The following ACOT7 variants were observed in gnomAD, a reference collection of about 807,000 sequenced individuals.
The protein encoded by ACOT7 is acyl-CoA thioesterase 7.
In ACOT7, 12 loss-of-function variants were observed where a neutral mutation model predicts 40.2. The ratio of observed to expected loss-of-function variants is 0.30; its 90% CI spans 0.19 to 0.48. ACOT7 has a LOEUF of 0.48. Among genes scored for constraint, ACOT7 ranks in the 20% least tolerant of loss-of-function variants. The pLI is 0.99. For missense variants in ACOT7, 395 were observed against 530.8 expected (o/e 0.74, Z 2.51); for synonymous variants, 228 against 219.5 (o/e 1.04, Z -0.34).
rs1641203162 is a variant in ACOT7 at position 6,339,539 on chromosome 1, A to G, written c.312T>C (p.Ser104=). The change falls in exon 3 of 9, where the codon TCT becomes TCC. Residue 104 remains serine, a synonymous_variant. Transcript: ENST00000361521. ...LARVERTDFL[S]PMCIGEVAHV... ...GCGCCACCTCACCGATGCACATGGG[A>G]GACAGGAAGTCGGTGCGCTCGACAC... 1.2e-6 allele frequency: 2 copies of G among 1,613,462 alleles called. No homozygotes were observed. The highest frequency in any genetic ancestry group is 1.7e-6 in the Non-Finnish European group (2 of 1,180,006).
chr1:6,266,592 C>T (rs949624060), intron 8 of ACOT7, among the ~76,000 whole-genome samples: 1 of 152,260 alleles, frequency 6.6e-6, no homozygotes, highest in East Asian at 1.9e-4. Flanking sequence ...TTCCATCTGC[C>T]GCTGCCCCAA....
intron 8 of ACOT7, among the ~76,000 whole-genome samples, chr1:6,273,979 C>T (rs1050111232): frequency 6.6e-5 from 10 of 152,308 alleles, no homozygotes; most frequent in Admixed American, 5.2e-4. Flanking sequence ...ATCCTGGGAC[C>T]GGACCTCTCT....
In ACOT7 at chr1:6,383,955, C is replaced by T. The variant is rs372069129; in HGVS notation, c.143+9302G>A. ...CCCTGACCTCGTGATCCGCCCGCCT[C>T]GGCCTCCCAAAGTGCTGGGATTACA... On this transcript the variant is annotated intron_variant, in intron 1 of 8. Transcript: ENST00000361521. 2.2e-4 allele frequency among the ~76,000 whole-genome samples: 33 copies of T among 151,848 alleles called. No individual in the cohort carries two copies. In the East Asian group the frequency reaches 4.8e-3, roughly 22 times the overall value.
chr1:6,376,813 G>A (rs1642242032), intron 1 of ACOT7, among the ~76,000 whole-genome samples: 3 of 151,334 alleles, frequency 2.0e-5, no homozygotes, highest in South Asian at 2.1e-4. Flanking sequence ...GGAGAATGGC[G>A]TGAACCTGGG....
intron 1 of ACOT7, among the ~76,000 whole-genome samples, chr1:6,380,918 C>T (rs574453681): frequency 2.6e-5 from 4 of 151,788 alleles, no homozygotes; most frequent in Non-Finnish European, 5.9e-5. Flanking sequence ...CATCAACAGA[C>T]AATATCAACA....
At chr1:6,292,453 A>G (rs1042076866) in intron 7 of ACOT7, among the ~76,000 whole-genome samples, 1 of 152,226 alleles carries the variant, frequency 6.6e-6, no homozygotes, top group East Asian at 1.9e-4. Context: ...CCTTGTGGAA[A>G]GCCTTTGGCA....
At chr1:6,366,659 C>CT (rs1318598183) in intron 1 of ACOT7, among the ~76,000 whole-genome samples, 228 of 142,694 alleles carry the variant, frequency 1.6e-3, no homozygotes, top group Admixed American at 2.0e-3. Context: ...GTAGAACTTA[C>CT]TTTTTTTTTT....
At chr1:6,349,258 T>C (rs959577188) in intron 2 of ACOT7, among the ~76,000 whole-genome samples, 1 of 152,150 alleles carries the variant, frequency 6.6e-6, no homozygotes, top group African/African-American at 2.4e-5. Context: ...GTGGGCACAG[T>C]GGTACCAGGC....
intron 6 of ACOT7, among the ~76,000 whole-genome samples, chr1:6,313,754 C>T (rs761110): frequency 0.075 from 11,448 of 152,116 alleles, 1,045 homozygotes; most frequent in African/African-American, 0.21. Context: ...AGCCTGGGTC[C>T]CCAGCACCAC....
intron 1 of ACOT7, among the ~76,000 whole-genome samples, chr1:6,362,247 A>G (rs1222038764): frequency 6.6e-6 from 1 of 152,084 alleles, no homozygotes; most frequent in Non-Finnish European, 1.5e-5. Flanking sequence ...CCTGGCCAAC[A>G]TGGCAAAACT....
intron 1 of ACOT7, chr1:6,385,467 G>C: frequency 6.3e-7 from 1 of 1,596,068 alleles, no homozygotes; most frequent in Non-Finnish European, 8.6e-7. Context: ...AGACACCATG[G>C]GCACAAAATA....
At chr1:6,295,039 C>A (rs1639773989) in intron 6 of ACOT7, 59 bp from the exon 7 acceptor site, 3 of 1,372,030 alleles carry the variant, frequency 2.2e-6, no homozygotes, top group Middle Eastern at 1.8e-4. Context: ...TTATTTCACA[C>A]CCTGGAAACA....
chr1:6,383,387 C>T lies in ACOT7; in HGVS notation c.143+9870G>A, dbSNP rs184463527. On this transcript the variant is annotated intron_variant, in intron 1 of 8. Transcript: ENST00000361521. The stretch of plus-strand genomic sequence containing the variant: ...TATTTTTAGTAGAGACGGGGTTTCA[C>T]CTTGTTAGCCAGGATGGTCTCGATC... Among the ~76,000 whole-genome samples the T allele has an allele frequency of 2.0e-3, 301 of 151,208 alleles. 1 individual carries two copies. Among genetic ancestry groups the T allele is most frequent in the African/African-American group, 6.8e-3 (283 of 41,330 alleles).
intron 4 of ACOT7, among the ~76,000 whole-genome samples, chr1:6,332,106 G>A (rs956827904): frequency 2.0e-5 from 3 of 152,242 alleles, no homozygotes; most frequent in Non-Finnish European, 4.4e-5. Flanking sequence ...TCTCTATTGG[G>A]TCTGGAAGCA....
Position 6,393,285 on chromosome 1 carries a change from C to A in ACOT7, c.115G>T (p.Glu39Ter). The stretch of plus-strand genomic sequence containing the variant: ...CAGATCTGGATGGCGGACGGCGTCT[C>A]GACGTCTGGGCCCGACATGCTGGGG... ...AAPSMSGPDV[E>*]TPSAIQICRI... Residue 39 changes from glutamate to a stop codon, truncating the protein, a stop_gained, in exon 1 of 9, where the codon GAG (glutamate) becomes TAG (stop). Coordinates refer to ENST00000361521, the MANE Select transcript of ACOT7 (RefSeq NM_007274.4). LOFTEE classifies it high-confidence loss of function. The A allele has an allele frequency of 7.8e-7, 1 of 1,283,970 alleles. No individual in the cohort carries two copies. Among genetic ancestry groups the A allele is most frequent in the African/African-American group, 1.5e-5 (1 of 65,868 alleles). 79.5% of individuals were successfully genotyped at this position (1,283,970 alleles called of 1,614,324 possible).
intron 1 of ACOT7, among the ~76,000 whole-genome samples, chr1:6,389,362 C>T (rs1332290579): frequency 1.3e-5 from 2 of 152,196 alleles, no homozygotes; most frequent in East Asian, 3.9e-4. Context: ...GTGTCCATGC[C>T]AAGGTCCCCC....
intron 8 of ACOT7, among the ~76,000 whole-genome samples, chr1:6,276,701 C>T (rs1315149616): frequency 6.6e-6 from 1 of 152,108 alleles, no homozygotes; most frequent in East Asian, 1.9e-4. Flanking sequence ...CAGCCCAGAA[C>T]TCGTGCTCAT....
chr1:6,389,855 T>A (rs1266110361), intron 1 of ACOT7, among the ~76,000 whole-genome samples: 1 of 151,902 alleles, frequency 6.6e-6, no homozygotes, highest in Admixed American at 6.6e-5. Context: ...CCATTGTGTC[T>A]AAGATGGTGG....
chr1:6,266,352 A>G (rs1304916013), intron 8 of ACOT7, among the ~76,000 whole-genome samples: 1 of 152,252 alleles, frequency 6.6e-6, no homozygotes, highest in Admixed American at 6.5e-5. Flanking sequence ...CTGAAGACAT[A>G]CATGGCTACA....
Sources: allele counts gnomAD v4.1 joint callset (sites outside exome capture counted in the v4.1 genomes callset), GRCh38; gene constraint gnomAD v4.1.1; transcripts MANE v1.5; gene names NCBI Gene and HGNC (gene_info 2026-07-23, HGNC 2026-07-21).